Variants in IFI16 observed in about 807,000 individuals in gnomAD.
The protein encoded by IFI16 is interferon gamma inducible protein 16, also known as gamma-interferon-inducible protein 16.
A neutral mutation model predicts 68.4 loss-of-function variants in IFI16; 49 were observed. That is an observed-to-expected ratio of 0.72 (90% confidence interval 0.57 to 0.91). The LOEUF (loss-of-function observed/expected upper bound fraction) is 0.91, where lower values mean the gene tolerates loss of function less well. IFI16 is among the 40% of genes least tolerant of loss of function. The pLI, the probability that IFI16 is intolerant of heterozygous loss-of-function variation, is 0.00. For synonymous variants in IFI16, 307 were observed against 315.0 expected, an observed-to-expected ratio of 0.97 and a Z score of 0.27; for missense variants, 878 against 942.9, an observed-to-expected ratio of 0.93 and a Z score of 0.90.
chr1:159,042,096 G>A (rs1237804837), intron 7 of IFI16, among the ~76,000 whole-genome samples: 2 of 152,056 alleles, frequency 1.3e-5, no homozygotes, highest in Non-Finnish European at 2.9e-5. Context: ...TCTACCTCCG[G>A]TACAGCCATT....
intron 6 of IFI16, among the ~76,000 whole-genome samples, chr1:159,023,459 T>A (rs570350348): frequency 2.0e-5 from 3 of 152,130 alleles, no homozygotes; most frequent in East Asian, 1.9e-4. Flanking sequence ...TTAAAAAAAA[T>A]TTATAGTTAC....
chr1:159,006,845 A>G (rs1231847760), upstream of IFI16, among the ~76,000 whole-genome samples: 2 of 152,108 alleles, frequency 1.3e-5, no homozygotes, highest in Non-Finnish European at 2.9e-5. Context: ...AAACAAAAAG[A>G]CCAAGGCGAT....
In IFI16 at chr1:159,010,047, G is replaced by T. The variant is rs1413448789; in HGVS notation, c.-135G>T. 4 of 151,470 alleles carry T rather than the reference G, an allele frequency of 2.6e-5. No individual in the cohort carries two copies. The highest frequency in any genetic ancestry group is 6.6e-5 in the Admixed American group (1 of 15,248). 9.4% of individuals were successfully genotyped at this position (151,470 alleles called of 1,614,324 possible). A position where few individuals can be genotyped will look rare whatever the true frequency, so the allele number is the denominator to read the frequency against. The stretch of plus-strand genomic sequence containing the variant: ...TTTCTGGAGATTACAACATCCTGCG[G>T]TTCCGTTTCTGGGAACTTTACTGAT... On this transcript the variant is annotated 5_prime_UTR_variant, in exon 1 of 12. Coordinates refer to ENST00000295809, the MANE Select transcript of IFI16 (RefSeq NM_001376587.1).
At chr1:159,054,550 C>T (rs191290780) in intron 11 of IFI16, among the ~76,000 whole-genome samples, 1 of 152,172 alleles carries the variant, frequency 6.6e-6, no homozygotes, top group South Asian at 2.1e-4. Context: ...CTTTCTCTCT[C>T]CTGTTGTTCC....
chr1:159,019,958 A>G (rs922594588), intron 5 of IFI16, among the ~76,000 whole-genome samples: 7 of 152,228 alleles, frequency 4.6e-5, no homozygotes, highest in African/African-American at 1.7e-4. Context: ...CAGATTCCTC[A>G]TAAGTCACTG....
intron 8 of IFI16, among the ~76,000 whole-genome samples, chr1:159,045,775 C>G (rs1571888010): frequency 6.6e-6 from 1 of 151,168 alleles, no homozygotes; most frequent in Non-Finnish European, 1.5e-5. Context: ...TGGGAAAAAA[C>G]AGAGCCAACC....
At chr1:159,008,190 G>A (rs1245693864), upstream of IFI16, among the ~76,000 whole-genome samples, 5 of 152,080 alleles carry the variant, frequency 3.3e-5, no homozygotes, top group African/African-American at 1.2e-4. Context: ...ATAATTGAGA[G>A]ATTTTATTCA....
At chr1:159,025,819 TC>T (rs1653633060) in intron 6 of IFI16, among the ~76,000 whole-genome samples, 1 of 152,230 alleles carries the variant, frequency 6.6e-6, no homozygotes, top group South Asian at 2.1e-4. Context: ...AGATTTAAGT[TC>T]TTGATCCATC....
chr1:159,021,939 CTTTTTTTTTTTTTTTTTTTTTTTT>C (rs56149308), intron 6 of IFI16, among the ~76,000 whole-genome samples: 29 of 61,702 alleles, frequency 4.7e-4, no homozygotes, highest in African/African-American at 1.5e-3. Flanking sequence ...GCCCTTAGCC[CTTTTTTTTTTTTTTTTTTTTTTTT>C]TTTTTTTTTT....
chr1:159,046,871 T>C (rs557034843), intron 8 of IFI16, among the ~76,000 whole-genome samples: 2 of 151,560 alleles, frequency 1.3e-5, no homozygotes, highest in East Asian at 3.9e-4. Flanking sequence ...ATAATAAACC[T>C]ATGACTTTCT....
At position 159,018,233 on chromosome 1, in the gene IFI16, C is replaced by T. The variant is rs751208160; in HGVS notation, c.554C>T (p.Pro185Leu). The T allele has an allele frequency of 2.2e-5, 35 of 1,612,790 alleles. No homozygotes were observed. The highest frequency in any genetic ancestry group is 1.3e-4 in the East Asian group (6 of 44,858). ...CTCCTGTGCTATCATACACAGAACC[C>T]GAAAACAGTGGCCAAATGTCAGGTA... ...APPNSSSTEN[P>L]KTVAKCQVTP... Residue 185 changes from proline (P) to leucine (L), a missense_variant, in exon 5 of 12, where the codon CCG becomes CTG. By Grantham distance (98) the Pro-to-Leu change is moderately conservative. Transcript: ENST00000295809.
intron 6 of IFI16, among the ~76,000 whole-genome samples, chr1:159,026,360 G>T (rs1434273333): frequency 6.6e-6 from 1 of 150,382 alleles, no homozygotes; most frequent in Non-Finnish European, 1.5e-5. Context: ...GTGCAATGGC[G>T]CGATCTTGGC....
chr1:159,030,178 T>A (rs1483527935), intron 6 of IFI16, among the ~76,000 whole-genome samples: 3 of 152,016 alleles, frequency 2.0e-5, no homozygotes, highest in African/African-American at 4.8e-5. Flanking sequence ...TCTATTTTTT[T>A]GGAGATTTTT....
intron 1 of IFI16, among the ~76,000 whole-genome samples, chr1:159,010,737 T>C (rs1652497727): frequency 6.6e-6 from 1 of 152,170 alleles, no homozygotes; most frequent in Admixed American, 6.5e-5. Context: ...TTAGCTCCAT[T>C]CTGCACCGGG....
rs910749448 is a variant in IFI16 at position 159,045,606 on chromosome 1, G to A, written c.1497+142G>A. 5.0e-5 allele frequency: 41 copies of A among 812,266 alleles called. No homozygotes were observed. In the African/African-American group the frequency reaches 6.2e-4, roughly 12 times the overall value. The allele number at this position is 812,266 out of a possible 1,614,324, so 50.3% of individuals were successfully genotyped here. A position where few individuals can be genotyped will look rare whatever the true frequency, so the allele number is the denominator to read the frequency against. ...AATCAGTCATTTATTTATCAAGTGT[G>A]TATTTTGAGGTCCTATCCAAAATTA... is the stretch of plus-strand genomic sequence containing the variant. On this transcript the variant is annotated intron_variant, in intron 8 of 11. Coordinates refer to ENST00000295809, the MANE Select transcript of IFI16 (RefSeq NM_001376587.1).
intron 7 of IFI16, among the ~76,000 whole-genome samples, chr1:159,039,568 T>C (rs960245837): frequency 5.9e-5 from 9 of 152,136 alleles, no homozygotes; most frequent in African/African-American, 2.2e-4. Flanking sequence ...GGTCTTGAAC[T>C]CCTCACCTCA....
chr1:159,028,306 A>G (rs888382049), intron 6 of IFI16, among the ~76,000 whole-genome samples: 2 of 152,062 alleles, frequency 1.3e-5, no homozygotes, highest in Non-Finnish European at 2.9e-5. Flanking sequence ...TTTAATTTCC[A>G]TGTATTTGCA....
chr1:159,024,627 T>G (rs1653537310), intron 6 of IFI16, among the ~76,000 whole-genome samples: 2 of 152,204 alleles, frequency 1.3e-5, no homozygotes, highest in African/African-American at 4.8e-5. Flanking sequence ...TGATGAGTGC[T>G]ACGGGTAATT....
chr1:159,031,325 G>A (rs1336019657), intron 6 of IFI16, among the ~76,000 whole-genome samples: 2 of 152,170 alleles, frequency 1.3e-5, no homozygotes, highest in Non-Finnish European at 2.9e-5. Flanking sequence ...GCTGGTGTCT[G>A]CACTCCCAGA....
Sources: gnomAD v4.1 joint callset for allele counts (sites outside exome capture counted in the v4.1 genomes callset) on GRCh38, gnomAD v4.1.1 for gene constraint, MANE v1.5 for transcripts, NCBI Gene and HGNC (gene_info 2026-07-23, HGNC 2026-07-21) for gene names.